Variants in CPD observed in about 807,000 individuals in gnomAD.
The protein encoded by CPD is metallocarboxypeptidase D.
In CPD, 69 loss-of-function variants were observed where a neutral mutation model predicts 138.3. That is an observed-to-expected ratio of 0.50 (90% CI 0.41 to 0.61). The LOEUF (loss-of-function observed/expected upper bound fraction) is 0.61. Among genes scored for constraint, CPD ranks in the 20% least tolerant of loss-of-function variants. CPD has a pLI of 0.00. For missense variants in CPD, 1,432 were observed against 1,733.3 expected (o/e 0.83, Z 3.09); for synonymous variants, 651 against 642.1 (o/e 1.01, Z -0.21).
intron 2 of CPD, among the ~76,000 whole-genome samples, chr17:30,419,230 A>G (rs1005543293): frequency 6.6e-6 from 1 of 152,206 alleles, no homozygotes; most frequent in African/African-American, 2.4e-5. Flanking sequence ...ATGAACTCCT[A>G]ATAAGCTGTG....
At chr17:30,419,256 T>C (rs975531585) in intron 2 of CPD, among the ~76,000 whole-genome samples, 1 of 152,226 alleles carries the variant, frequency 6.6e-6, no homozygotes, top group Non-Finnish European at 1.5e-5. Context: ...AACTATGACA[T>C]TGACCTTTCT....
At chr17:30,424,727 G>A (rs776387320) in intron 6 of CPD, among the ~76,000 whole-genome samples, 6 of 152,302 alleles carry the variant, frequency 3.9e-5, no homozygotes, top group Non-Finnish European at 7.4e-5. Flanking sequence ...CTCCTGGGGC[G>A]TTATAGTGTG....
chr17:30,427,420 A>G lies in CPD; in HGVS notation c.1879A>G (p.Asn627Asp). ...TTCAATAAGTGTAATTGGCAGAAACAACAGCAACAACTTTGACCTGAACCG... is the reference window on the plus strand; with the variant it reads ...TTCAATAAGTGTAATTGGCAGAAACGACAGCAACAACTTTGACCTGAACCG... ...GDSISVIGRN[N>D]SNNFDLNRNF... The change falls in exon 7 of 21, where the codon AAC becomes GAC. Residue 627 changes from asparagine (N) to aspartate (D), a missense_variant. Physicochemically the swap from Asn to Asp is conservative, Grantham distance 23. Around this residue, in one of 6 missense-constraint regions of CPD, gnomAD observed 297 missense variants for 405.3 expected, o/e 0.73. Coordinates refer to ENST00000225719, the MANE Select transcript of CPD (RefSeq NM_001304.5). 6.2e-7 allele frequency: 1 copy of G among 1,614,174 alleles called. No homozygotes were observed. Among genetic ancestry groups the G allele is most frequent in the Non-Finnish European group, 8.5e-7 (1 of 1,180,008 alleles).
chr17:30,461,821 C>T, intron 18 of CPD, 56 bp from the exon 19 acceptor site: 1 of 1,449,720 alleles, frequency 6.9e-7, no homozygotes, highest in Non-Finnish European at 9.3e-7. Context: ...AAGCTAGTGC[C>T]TCTACCATGT....
intron 2 of CPD, among the ~76,000 whole-genome samples, chr17:30,390,864 T>C (rs1036016311): frequency 2.6e-5 from 4 of 151,898 alleles, no homozygotes; most frequent in African/African-American, 9.7e-5. Context: ...AGTTTCGCTC[T>C]TGTTGCCCAG....
At chr17:30,441,963 T>G (rs1236404499) in intron 9 of CPD, among the ~76,000 whole-genome samples, 1 of 146,830 alleles carries the variant, frequency 6.8e-6, no homozygotes, top group Non-Finnish European at 1.5e-5. Context: ...TTTCTATTGA[T>G]TGGAATAGTT....
intron 15 of CPD, 177 bp downstream of exon 15, chr17:30,455,647 A>C (rs1431123509): frequency 1.5e-5 from 9 of 587,640 alleles, no homozygotes; most frequent in Non-Finnish European, 1.7e-5. Context: ...GAGAGCTCAG[A>C]TCTAATGGTA....
At chr17:30,451,889 T>C in intron 14 of CPD, 43 bp downstream of exon 14, 1 of 1,577,632 alleles carries the variant, frequency 6.3e-7, no homozygotes. Flanking sequence ...AGGAGATAAT[T>C]TTCTTTCTGC....
chr17:30,462,557 C>A, intron 20 of CPD, 88 bp downstream of exon 20: 1 of 835,538 alleles, frequency 1.2e-6, no homozygotes, highest in Admixed American at 2.1e-5. Context: ...CATATTGATC[C>A]TGAAACTAAT....
At chr17:30,386,995 G>A (rs1911209722) in intron 2 of CPD, among the ~76,000 whole-genome samples, 1 of 152,220 alleles carries the variant, frequency 6.6e-6, no homozygotes, top group African/African-American at 2.4e-5. Context: ...GGGTCAAATG[G>A]TAATTCTATG....
chr17:30,445,668 C>T (rs1209771688), intron 11 of CPD, 23 bp from the exon 12 acceptor site: 1 of 1,529,834 alleles, frequency 6.5e-7, no homozygotes. Context: ...GAGTGTGGTT[C>T]TGATCTGTCT....
intron 2 of CPD, among the ~76,000 whole-genome samples, chr17:30,393,483 G>A (rs1911411804): frequency 6.6e-6 from 1 of 152,172 alleles, no homozygotes; most frequent in Non-Finnish European, 1.5e-5. Flanking sequence ...AAGATGAACA[G>A]TATGTAACTA....
chr17:30,450,324 T>A (rs1913134185), intron 13 of CPD: 3 of 152,442 alleles, frequency 2.0e-5, no homozygotes, highest in Admixed American at 6.5e-5. Context: ...CTCCCAAAAA[T>A]GCTGTGATTA....
At chr17:30,425,655 CAAAAAA>C (rs11337028) in intron 6 of CPD, among the ~76,000 whole-genome samples, 1 of 113,612 alleles carries the variant, frequency 8.8e-6, no homozygotes, top group Non-Finnish European at 1.9e-5. Flanking sequence ...GACTCTGTCT[CAAAAAA>C]AAAAAAAAAA....
chr17:30,380,752 T>G (rs1567863339), intron 1 of CPD: 1 of 708,164 alleles, frequency 1.4e-6, no homozygotes, highest in Non-Finnish European at 2.2e-6. Context: ...GCTTGAGCTA[T>G]CTCCAGAGAT....
At chr17:30,430,021 G>A (rs551917319) in intron 7 of CPD, among the ~76,000 whole-genome samples, 15 of 152,262 alleles carry the variant, frequency 9.9e-5, no homozygotes, top group African/African-American at 3.4e-4. Context: ...ACATGCTAAA[G>A]AGTTATATTC....
rs148207048 is a variant in CPD at position 30,459,861 on chromosome 17, G to A, written c.3499-1319G>A. Among the ~76,000 whole-genome samples, 1,119 of 152,244 alleles carry A rather than the reference G, an allele frequency of 7.4e-3. 16 individuals are homozygous for A. The highest frequency in any genetic ancestry group is 0.026 in the African/African-American group (1,067 of 41,520). ...TTAGGCAGGAGTTGTTAGCAGATGGGTGGTTGGCTGATCATTTTATTCACA... is the reference window on the plus strand; with the variant it reads ...TTAGGCAGGAGTTGTTAGCAGATGGATGGTTGGCTGATCATTTTATTCACA... On this transcript the variant is annotated intron_variant, in intron 17 of 20. Coordinates refer to ENST00000225719, the MANE Select transcript of CPD (RefSeq NM_001304.5).
chr17:30,460,520 A>G (rs1332902742), intron 17 of CPD, among the ~76,000 whole-genome samples: 2 of 152,226 alleles, frequency 1.3e-5, no homozygotes, highest in Non-Finnish European at 2.9e-5. Flanking sequence ...CATTTTAGAT[A>G]TTCTATAGAG....
At chr17:30,391,853 TACTC>T (rs1911364094) in intron 2 of CPD, among the ~76,000 whole-genome samples, 1 of 152,174 alleles carries the variant, frequency 6.6e-6, no homozygotes, top group Non-Finnish European at 1.5e-5. Context: ...AGTTTAAACT[TACTC>T]TTGAAGATAG....
Sources: allele counts gnomAD v4.1 joint callset (sites outside exome capture counted in the v4.1 genomes callset), GRCh38; gene constraint gnomAD v4.1.1; regional missense constraint gnomAD v4.1.1; transcripts MANE v1.5; gene names NCBI Gene and HGNC (gene_info 2026-07-23, HGNC 2026-07-21).